The following FAT3 variants were observed in gnomAD, a reference collection of about 807,000 sequenced individuals.
FAT3 encodes the protein FAT atypical cadherin 3, also known as protocadherin Fat 3.
FAT3 carries 95 observed loss-of-function variants against 310.2 expected under a neutral mutation model. That is an observed-to-expected ratio of 0.31 (90% CI 0.26 to 0.36). The LOEUF (loss-of-function observed/expected upper bound fraction) is 0.36, where lower values mean the gene tolerates loss of function less well. Ranked by LOEUF, FAT3 falls within the 10% of genes least tolerant of loss-of-function variation. FAT3 has a pLI of 1.00. For synonymous variants in FAT3, 2,314 were observed against 2,192.9 expected (o/e 1.06, Z -1.54); for missense variants, 5,408 against 5,715.6 (o/e 0.95, Z 1.74).
chr11:92,693,196 T>C (rs536403166), intron 3 of FAT3, among the ~76,000 whole-genome samples: 3 of 152,328 alleles, frequency 2.0e-5, no homozygotes, highest in South Asian at 4.1e-4. Flanking sequence ...AGGACTGGCA[T>C]ACTTCCCCTC....
At chr11:92,665,130 G>A (rs1188148313) in intron 3 of FAT3, among the ~76,000 whole-genome samples, 1 of 152,176 alleles carries the variant, frequency 6.6e-6, no homozygotes, top group Non-Finnish European at 1.5e-5. Flanking sequence ...TTTTAATATT[G>A]TAAGATGGAA....
At chr11:92,618,163 T>C (rs1940908309) in intron 3 of FAT3, among the ~76,000 whole-genome samples, 1 of 152,170 alleles carries the variant, frequency 6.6e-6, no homozygotes, top group Non-Finnish European at 1.5e-5. Context: ...TTTGTTTACC[T>C]ACTCAAGCCT....
At chr11:92,309,964 GT>G (rs540275535) in intron 1 of FAT3, among the ~76,000 whole-genome samples, 132 of 138,518 alleles carry the variant, frequency 9.5e-4, no homozygotes, top group South Asian at 1.4e-3. Context: ...TTAGATCTCT[GT>G]TTTTTTTTTT....
chr11:92,791,534 T>C (rs1025632071), intron 8 of FAT3, among the ~76,000 whole-genome samples: 1 of 152,218 alleles, frequency 6.6e-6, no homozygotes, highest in African/African-American at 2.4e-5. Flanking sequence ...CAGAAATCAG[T>C]TTGGTCACCC....
intron 3 of FAT3, among the ~76,000 whole-genome samples, chr11:92,645,036 A>C (rs567829824): frequency 2.0e-5 from 3 of 147,642 alleles, no homozygotes; most frequent in Non-Finnish European, 4.5e-5. Flanking sequence ...TTTTCCAAAA[A>C]GTGTTTTTTT....
At chr11:92,630,393 A>G (rs1565471704) in intron 3 of FAT3, among the ~76,000 whole-genome samples, 1 of 152,204 alleles carries the variant, frequency 6.6e-6, no homozygotes, top group Non-Finnish European at 1.5e-5. Flanking sequence ...CTTAACTACC[A>G]CATATCTGTT....
At chr11:92,834,776 C>A in intron 14 of FAT3, 94 bp from the exon 15 acceptor site, 2 of 1,110,630 alleles carry the variant, frequency 1.8e-6, no homozygotes, top group Non-Finnish European at 2.5e-6. Flanking sequence ...AAATTCTTGG[C>A]TGGAGAGGAT....
chr11:92,354,334 T>C lies in FAT3; in HGVS notation c.2222T>C (p.Val741Ala). 1 of 1,613,824 alleles carries C rather than the reference T, an allele frequency of 6.2e-7. No individual in the cohort carries two copies. The highest frequency in any genetic ancestry group is 8.5e-7 in the Non-Finnish European group (1 of 1,179,854). The change falls in exon 2 of 28, where the codon GTT (valine) becomes GCT (alanine). Residue 741 changes from valine to alanine, a missense_variant. Physicochemically the swap from Val to Ala is moderately conservative, Grantham distance 64 (BLOSUM62 0). This residue lies in a region of FAT3 where 4,588 missense variants were observed against 4,809.8 expected (regional missense o/e 0.95). Coordinates refer to ENST00000525166, the MANE Select transcript of FAT3 (RefSeq NM_001367949.2). ...GTGGCTGTAAAGGAGGATCTGCCAG[T>C]TGGTGCTAACATTCTGAAGATTAAA... is the stretch of plus-strand genomic sequence containing the variant. Reference protein sequence around the residue: ...SDVAVKEDLPVGANILKIKAY... With the variant: ...SDVAVKEDLPAGANILKIKAY...
intron 2 of FAT3, among the ~76,000 whole-genome samples, chr11:92,491,069 T>G (rs367885652): frequency 3.3e-5 from 5 of 152,108 alleles, no homozygotes; most frequent in Admixed American, 1.3e-4. Flanking sequence ...ATTGAAATTC[T>G]TCTTTCAAAT....
intron 3 of FAT3, among the ~76,000 whole-genome samples, chr11:92,590,605 A>G (rs892596979): frequency 1.3e-5 from 2 of 152,160 alleles, no homozygotes; most frequent in Non-Finnish European, 2.9e-5. Flanking sequence ...AGCTGACCAA[A>G]TGTAAAGAGG....
rs528744543 is a variant in FAT3, at chr11:92,592,172, A to G, written c.3607+67224A>G. Among the ~76,000 whole-genome samples, 23 of 152,238 alleles carry G rather than the reference A, an allele frequency of 1.5e-4. 1 individual carries two copies. Among genetic ancestry groups the G allele is most frequent in the Non-Finnish European group, 3.1e-4 (21 of 68,004 alleles). ...TTCTGTAAACCTAGAAGTGTTCTCAAAAATGAGGGATAGTATTAGGGGAAT... is the reference window on the plus strand; with the variant it reads ...TTCTGTAAACCTAGAAGTGTTCTCAGAAATGAGGGATAGTATTAGGGGAAT... On this transcript the variant is annotated intron_variant, in intron 3 of 27. Coordinates refer to ENST00000525166, the MANE Select transcript of FAT3 (RefSeq NM_001367949.2).
intron 2 of FAT3, among the ~76,000 whole-genome samples, chr11:92,501,975 G>T (rs539327888): frequency 1.3e-5 from 2 of 151,858 alleles, no homozygotes; most frequent in African/African-American, 4.8e-5. Context: ...GCACGCGCGC[G>T]TGTGTGTGTA....
chr11:92,748,848 T>C (rs894080641), intron 4 of FAT3: 1 of 152,206 alleles, frequency 6.6e-6, no homozygotes, highest in Non-Finnish European at 1.5e-5. Context: ...TTCAATGACT[T>C]CACCTTTCAG....
intron 2 of FAT3, among the ~76,000 whole-genome samples, chr11:92,386,213 T>C (rs1949614778): frequency 6.6e-6 from 1 of 152,206 alleles, no homozygotes; most frequent in Non-Finnish European, 1.5e-5. Flanking sequence ...TTATTTTGGG[T>C]CAACAACCAA....
At chr11:92,314,627 G>A (rs1947388849) in intron 1 of FAT3, among the ~76,000 whole-genome samples, 1 of 152,186 alleles carries the variant, frequency 6.6e-6, no homozygotes, top group Admixed American at 6.5e-5. Flanking sequence ...TTCCTGCTGG[G>A]CTAATGTTTA....
intron 3 of FAT3, among the ~76,000 whole-genome samples, chr11:92,615,678 C>CT (rs1940768639): frequency 6.6e-6 from 1 of 152,178 alleles, no homozygotes; most frequent in African/African-American, 2.4e-5. Context: ...TATGTTGTGT[C>CT]TTTGTTCTCA....
chr11:92,402,509 C>A (rs1201233555), intron 2 of FAT3, among the ~76,000 whole-genome samples: 3 of 151,958 alleles, frequency 2.0e-5, no homozygotes, highest in African/African-American at 7.3e-5. Context: ...GCAGGCAGAT[C>A]TTTTGATCTC....
intron 1 of FAT3, among the ~76,000 whole-genome samples, chr11:92,255,580 G>T (rs1002217968): frequency 6.6e-6 from 1 of 152,036 alleles, no homozygotes; most frequent in African/African-American, 2.4e-5. Flanking sequence ...ATATTAAGGA[G>T]GCATTCTAAT....
Position 92,883,381 on chromosome 11 carries a change from G to T in FAT3, c.12925G>T (p.Ala4309Ser), listed in dbSNP as rs1432906018. 2.5e-6 allele frequency: 4 copies of T among 1,601,934 alleles called. No homozygotes were observed. The highest frequency in any genetic ancestry group is 3.4e-6 in the Non-Finnish European group (4 of 1,173,176). Residue 4309 changes from alanine (A) to serine (S), a missense_variant, in exon 24 of 28, where the codon GCG becomes TCG. Physicochemically the swap from Ala to Ser is moderately conservative, Grantham distance 99. Coordinates refer to ENST00000525166, the MANE Select transcript of FAT3 (RefSeq NM_001367949.2). This position sits in a 1 kb window ranked among gnomAD's most constrained non-coding sequence, Gnocchi z 4.2. ...CTCCATCCGGAAGAATGGCTGGGACGCGGGAACTGAGAGTGAGTAGGAAGT... is the reference window on the plus strand; with the variant it reads ...CTCCATCCGGAAGAATGGCTGGGACTCGGGAACTGAGAGTGAGTAGGAAGT... The part of the protein sequence containing the change: ...CDSIRKNGWD[A>S]GTENKGVDDP...
Sources: allele counts gnomAD v4.1 joint callset (sites outside exome capture counted in the v4.1 genomes callset), GRCh38; gene constraint gnomAD v4.1.1; regional missense constraint gnomAD v4.1.1; non-coding constraint Gnocchi (gnomAD v3.1); transcripts MANE v1.5; gene names NCBI Gene and HGNC (gene_info 2026-07-23, HGNC 2026-07-21).